Variants in MAP2K1 observed in about 807,000 individuals in gnomAD.
The protein encoded by MAP2K1 is dual specificity mitogen-activated protein kinase kinase 1.
A neutral mutation model predicts 46.3 loss-of-function variants in MAP2K1; 16 were observed. The observed-to-expected ratio is 0.35, with a 90% confidence interval of 0.23 to 0.52. The LOEUF (loss-of-function observed/expected upper bound fraction) is 0.52, where lower values mean the gene tolerates loss of function less well. MAP2K1 is among the 20% of genes least tolerant of loss of function. The pLI, the probability that MAP2K1 is intolerant of heterozygous loss-of-function variation, is 0.94. For missense variants in MAP2K1, 263 were observed against 497.1 expected (o/e 0.53, Z 4.48); for synonymous variants, 183 against 185.6 (o/e 0.99, Z 0.11).
chr15:66,472,705 T>C (rs1190668084), intron 5 of MAP2K1, among the ~76,000 whole-genome samples: 4 of 152,116 alleles, frequency 2.6e-5, no homozygotes, highest in African/African-American at 9.7e-5. Flanking sequence ...CACATTCTTC[T>C]AAGTCTTTCC....
chr15:66,428,773 CTTTTTTTTTTT>C (rs1196428468), intron 1 of MAP2K1, among the ~76,000 whole-genome samples: 18 of 78,196 alleles, frequency 2.3e-4, no homozygotes, highest in South Asian at 4.2e-4. Flanking sequence ...ATTTTCTTTC[CTTTTTTTTTTT>C]TTTTTTTTTT....
At chr15:66,483,909 G>A (rs1410754593) in intron 6 of MAP2K1, among the ~76,000 whole-genome samples, 1 of 151,152 alleles carries the variant, frequency 6.6e-6, no homozygotes, top group Non-Finnish European at 1.5e-5. Flanking sequence ...CACCACGCCC[G>A]GCTAATTTTT....
At position 66,435,223 on chromosome 15, in the gene MAP2K1, G is replaced by A. The variant is rs151207265; in HGVS notation, c.277G>A (p.Val93Ile). ...FKVSHKPSGL[V>I]MARKLIHLEI... is the part of the protein sequence containing the mutation. Reference sequence around the variant, plus strand: ...GGTCTCCCACAAGCCTTCTGGCCTGGTCATGGCCAGAAAGGTGAGTTTGCC... The same window carrying A: ...GGTCTCCCACAAGCCTTCTGGCCTGATCATGGCCAGAAAGGTGAGTTTGCC... Residue 93 changes from valine (V) to isoleucine (I), a missense_variant, in exon 2 of 11, where the codon GTC becomes ATC. Val to Ile is a conservative substitution (Grantham distance 29, BLOSUM62 3). Coordinates refer to ENST00000307102, the MANE Select transcript of MAP2K1 (RefSeq NM_002755.4). 56 of 1,613,908 alleles carry A rather than the reference G, an allele frequency of 3.5e-5. No individual in the cohort carries two copies. Among genetic ancestry groups the A allele is most frequent in the Non-Finnish European group, 4.6e-5 (54 of 1,179,928 alleles).
At chr15:66,423,568 G>C (rs576529298) in intron 1 of MAP2K1, among the ~76,000 whole-genome samples, 4 of 148,800 alleles carry the variant, frequency 2.7e-5, no homozygotes, top group African/African-American at 9.9e-5. Flanking sequence ...CTCCTGAGTA[G>C]CTGGGATTAC....
intron 8 of MAP2K1, 46 bp from the exon 9 acceptor site, chr15:66,489,169 G>A: frequency 6.6e-7 from 1 of 1,512,162 alleles, no homozygotes; most frequent in African/African-American, 1.4e-5. Flanking sequence ...GGAGATGGCT[G>A]GAGCAAGGAG....
At chr15:66,487,092 A>AGCCTT in intron 7 of MAP2K1, 136 bp from the exon 8 acceptor site, 1 of 735,652 alleles carries the variant, frequency 1.4e-6, no homozygotes, top group Non-Finnish European at 2.4e-6. Flanking sequence ...TCTGTGTTCA[A>AGCCTT]GCCTTATCTG....
At chr15:66,468,961 A>AAG (rs1228368610) in intron 5 of MAP2K1, among the ~76,000 whole-genome samples, 2 of 150,502 alleles carry the variant, frequency 1.3e-5, no homozygotes, top group Non-Finnish European at 3.0e-5. Flanking sequence ...CTCAAAAAAA[A>AAG]AAATTTTTTT....
At chr15:66,445,416 A>G (rs1421458064) in intron 5 of MAP2K1, among the ~76,000 whole-genome samples, 1 of 152,068 alleles carries the variant, frequency 6.6e-6, no homozygotes, top group Non-Finnish European at 1.5e-5. Context: ...AAGAAGAACA[A>G]AACACATTAA....
chr15:66,456,457 A>T (rs1292816051), intron 5 of MAP2K1, among the ~76,000 whole-genome samples: 1 of 152,184 alleles, frequency 6.6e-6, no homozygotes, highest in Admixed American at 6.5e-5. Flanking sequence ...GGCAGGGATG[A>T]ATATGAGGTT....
chr15:66,452,302 A>G (rs7162002), intron 5 of MAP2K1, among the ~76,000 whole-genome samples: 18 of 4,996 alleles, frequency 3.6e-3, no homozygotes, highest in Admixed American at 8.0e-3. Context: ...AAAAAAAAAA[A>G]AGAAAAAAAA....
intron 3 of MAP2K1, among the ~76,000 whole-genome samples, chr15:66,442,133 A>G (rs1033873462): frequency 6.6e-6 from 1 of 152,088 alleles, no homozygotes; most frequent in African/African-American, 2.4e-5. Flanking sequence ...CATTCATGTC[A>G]TCTCATCTCC....
chr15:66,460,118 T>A (rs368690229), intron 5 of MAP2K1, among the ~76,000 whole-genome samples: 1 of 152,236 alleles, frequency 6.6e-6, no homozygotes, highest in Admixed American at 6.5e-5. Context: ...GCTGTGTGGC[T>A]TACACAGGAA....
chr15:66,463,527 A>G (rs569147929), intron 5 of MAP2K1, among the ~76,000 whole-genome samples: 161 of 152,204 alleles, frequency 1.1e-3, no homozygotes, highest in Non-Finnish European at 1.6e-3. Flanking sequence ...TTGTTGCCCA[A>G]GCTGGAGTGC....
chr15:66,421,891 T>G (rs2140557796), intron 1 of MAP2K1, among the ~76,000 whole-genome samples: 1 of 151,012 alleles, frequency 6.6e-6, no homozygotes, highest in South Asian at 2.1e-4. Context: ...CTCTTTTTTT[T>G]TTTTTGCTAT....
chr15:66,387,208 C>T lies in MAP2K1; in HGVS notation c.-140C>T. On this transcript the variant is annotated 5_prime_UTR_variant, in exon 1 of 11. Transcript: ENST00000307102. ...GCCCCTCGGCGCTGACGGGACCGCG[C>T]GGGGCGCACCCGCTGAAGGCAGCCC... 3.3e-6 allele frequency: 2 copies of T among 613,698 alleles called. No homozygotes were observed. The allele number at this position is 613,698 out of a possible 1,614,324, so 38.0% of individuals were successfully genotyped here. A position where few individuals can be genotyped will look rare whatever the true frequency, so the allele number is the denominator to read the frequency against.
chr15:66,452,038 C>CA (rs1750010204), intron 5 of MAP2K1, among the ~76,000 whole-genome samples: 1 of 62,092 alleles, frequency 1.6e-5, no homozygotes, highest in Admixed American at 1.9e-4. Flanking sequence ...ATCGCAAGAA[C>CA]AAAAAACCAA....
At chr15:66,412,041 A>G (rs1343190237) in intron 1 of MAP2K1, among the ~76,000 whole-genome samples, 3 of 152,230 alleles carry the variant, frequency 2.0e-5, no homozygotes, top group Admixed American at 6.5e-5. Context: ...TAGTTTATAC[A>G]TTGGAGACAA....
At chr15:66,389,891 T>TA (rs1462757790) in intron 1 of MAP2K1, among the ~76,000 whole-genome samples, 1 of 152,156 alleles carries the variant, frequency 6.6e-6, no homozygotes, top group Admixed American at 6.6e-5. Flanking sequence ...TCAAGTCTTT[T>TA]AGTCTAAGGC....
Position 66,387,012 on chromosome 15 carries a change from T to G in MAP2K1, c.-336T>G. ...CTGGGCTCTGGTGCGCGCGCGGCTGTGCCGCCCGAGCCGGAGGGACTGGTT... is the reference window on the plus strand; with the variant it reads ...CTGGGCTCTGGTGCGCGCGCGGCTGGGCCGCCCGAGCCGGAGGGACTGGTT... On this transcript the variant is annotated 5_prime_UTR_variant, in exon 1 of 11. Coordinates refer to ENST00000307102, the MANE Select transcript of MAP2K1 (RefSeq NM_002755.4). The G allele has an allele frequency of 6.6e-6, 2 of 302,548 alleles. No homozygotes were observed. Among genetic ancestry groups the G allele is most frequent in the Non-Finnish European group, 1.2e-5 (2 of 165,572 alleles). 18.7% of individuals were successfully genotyped at this position (302,548 alleles called of 1,614,324 possible).
Sources: allele counts gnomAD v4.1 joint callset (sites outside exome capture counted in the v4.1 genomes callset), GRCh38; gene constraint gnomAD v4.1.1; transcripts MANE v1.5; gene names NCBI Gene and HGNC (gene_info 2026-07-23, HGNC 2026-07-21).